The following NUDCD1 variants were observed in gnomAD, a reference collection of about 807,000 sequenced individuals.
NUDCD1 encodes NudC domain containing 1.
In NUDCD1, 60 loss-of-function variants were observed where a neutral mutation model predicts 67.8. The ratio of observed to expected loss-of-function variants is 0.88; its 90% CI spans 0.72 to 1.10. The LOEUF is 1.10. Among genes scored for constraint, NUDCD1 ranks in the 50% least tolerant of loss-of-function variants. NUDCD1 has a pLI of 0.00. For missense variants in NUDCD1, 643 were observed against 695.0 expected (o/e 0.93, Z 0.84); for synonymous variants, 244 against 230.8 (o/e 1.06, Z -0.52).
Position 109,291,052 on chromosome 8 carries a change from C to T in NUDCD1, c.641-1119G>A, listed in dbSNP as rs1161613331. Among the ~76,000 whole-genome samples, 5 of 152,174 alleles carry T rather than the reference C, an allele frequency of 3.3e-5. No individual in the cohort carries two copies. The East Asian group carries it at 5.8e-4, about 18-fold the overall frequency. On this transcript the variant is annotated intron_variant, in intron 4 of 9. Coordinates refer to ENST00000239690, the MANE Select transcript of NUDCD1 (RefSeq NM_032869.4). ...AAACACCGACATCACATATTTATAG[C>T]GTGGCCTTTCCCAGCATGCATGGGA... is the stretch of plus-strand genomic sequence containing the variant.
At chr8:109,302,994 C>A (rs1815024729) in intron 2 of NUDCD1, among the ~76,000 whole-genome samples, 1 of 152,216 alleles carries the variant, frequency 6.6e-6, no homozygotes, top group South Asian at 2.1e-4. Context: ...GAAACCCCAG[C>A]CACATTTCCA....
chr8:109,293,851 C>A (rs1453577467), intron 3 of NUDCD1, among the ~76,000 whole-genome samples: 1 of 151,742 alleles, frequency 6.6e-6, no homozygotes, highest in East Asian at 1.9e-4. Flanking sequence ...GTTATTTATT[C>A]TCTGGAAGTT....
Position 109,242,199 on chromosome 8 carries a change from T to A in NUDCD1, c.*810A>T, listed in dbSNP as rs1156401300. ...TTGTCCAATGGAACATTAGTAAATA[T>A]GATAGATGTACAGGATCGATAAGCT... On this transcript the variant is annotated 3_prime_UTR_variant, in exon 10 of 10. Coordinates refer to ENST00000239690, the MANE Select transcript of NUDCD1 (RefSeq NM_032869.4). 2.5e-6 allele frequency: 1 copy of A among 397,614 alleles called. No individual in the cohort carries two copies. The highest frequency in any genetic ancestry group is 2.1e-5 in the African/African-American group (1 of 48,574). The allele number at this position is 397,614 out of a possible 1,614,324, so 24.6% of individuals were successfully genotyped here.
intron 5 of NUDCD1, 30 bp from the exon 6 acceptor site, chr8:109,281,202 A>AT (rs34035584): frequency 0.044 from 64,347 of 1,456,418 alleles, 1,641 homozygotes; most frequent in Non-Finnish European, 0.053. Context: ...GCATCATGTA[A>AT]TAAAAAATTA....
intron 8 of NUDCD1, among the ~76,000 whole-genome samples, chr8:109,264,422 T>C (rs1813944305): frequency 6.6e-6 from 1 of 152,194 alleles, no homozygotes. Context: ...AGTGGTATAT[T>C]AACAAATGCT....
In NUDCD1 at chr8:109,296,527, T is replaced by C. The variant is rs370088528; in HGVS notation, c.316A>G (p.Thr106Ala). 11 of 1,610,954 alleles carry C rather than the reference T, an allele frequency of 6.8e-6. No individual in the cohort carries two copies. The highest frequency in any genetic ancestry group is 2.2e-5 in the East Asian group (1 of 44,778). The change falls in exon 3 of 10, where the codon ACA (threonine) becomes GCA (alanine). Residue 106 changes from threonine (T) to alanine (A), a missense_variant. By Grantham distance (58) the Thr-to-Ala change is moderately conservative (BLOSUM62 0). Coordinates refer to ENST00000239690, the MANE Select transcript of NUDCD1 (RefSeq NM_032869.4). The stretch of plus-strand genomic sequence containing the variant: ...CGGTTGTCACATGCTGTCAAATCTG[T>C]AGGAAGTCGAAACACCTCTCGTGGT... ...GKPREVFRLP[T>A]DLTACDNRLC... is the part of the protein sequence containing the mutation.
Position 109,243,131 on chromosome 8 carries a change from T to C in NUDCD1, c.1630A>G (p.Lys544Glu). ...GTTTCTAGGCTTGCTACTTGCTGCTTAGCAACCTGTCCTACTTGCCTGCCT... is the reference window on the plus strand; with the variant it reads ...GTTTCTAGGCTTGCTACTTGCTGCTCAGCAACCTGTCCTACTTGCCTGCCT... The part of the protein sequence containing the change: ...KEGRQVGQVA[K>E]QQVASLETND... The change falls in exon 10 of 10, where the codon AAG becomes GAG. Residue 544 changes from lysine to glutamate, a missense_variant. Transcript: ENST00000239690. The C allele has an allele frequency of 6.2e-7, 1 of 1,613,918 alleles. No homozygotes were observed.
At chr8:109,265,352 T>C (rs116401123) in intron 8 of NUDCD1, among the ~76,000 whole-genome samples, 3,675 of 151,908 alleles carry the variant, frequency 0.024, 137 homozygotes, top group African/African-American at 0.084. Flanking sequence ...TGTAAAGGGG[T>C]CCTGAGACCA....
At chr8:109,328,978 A>G (rs1308628813) in intron 1 of NUDCD1, among the ~76,000 whole-genome samples, 1 of 152,214 alleles carries the variant, frequency 6.6e-6, no homozygotes, top group Non-Finnish European at 1.5e-5. Context: ...AGATGTAAAA[A>G]CAATTATTGC....
chr8:109,278,182 A>G lies in NUDCD1; in HGVS notation c.1029-2686T>C, dbSNP rs1265411143. ...CATTTCTCATTTCTGACCAAATTTG[A>G]CTATTTAAAAAATTAACTGCCTAAC... On this transcript the variant is annotated intron_variant, in intron 6 of 9. Transcript: ENST00000239690. 2.0e-5 allele frequency among the ~76,000 whole-genome samples: 3 copies of G among 152,192 alleles called. No homozygotes were observed. In the East Asian group the frequency reaches 5.8e-4, roughly 29 times the overall value.
rs149921218 is a variant in NUDCD1 at position 109,272,057 on chromosome 8, G to A, written c.1174-927C>T. Among the ~76,000 whole-genome samples the A allele has an allele frequency of 1.8e-3, 272 of 152,030 alleles. 1 individual carries two copies. Among genetic ancestry groups the A allele is most frequent in the African/African-American group, 6.3e-3 (261 of 41,502 alleles). On this transcript the variant is annotated intron_variant, in intron 7 of 9. Transcript: ENST00000239690. Reference sequence around the variant, plus strand: ...AAAAAATGCTAAAAGAAGCTCTCAAGCCAGAAAAAAATAACATCAGATGAA... The same window carrying A: ...AAAAAATGCTAAAAGAAGCTCTCAAACCAGAAAAAAATAACATCAGATGAA...
chr8:109,309,623 A>G (rs1278200422), intron 2 of NUDCD1, among the ~76,000 whole-genome samples: 1 of 152,176 alleles, frequency 6.6e-6, no homozygotes. Flanking sequence ...AATCAAAGAG[A>G]AAGAAATAAA....
intron 1 of NUDCD1, among the ~76,000 whole-genome samples, chr8:109,323,873 T>C (rs1027248373): frequency 1.3e-5 from 2 of 151,994 alleles, no homozygotes; most frequent in Non-Finnish European, 2.9e-5. Context: ...AAATTGGATA[T>C]CCATAGCAGA....
intron 2 of NUDCD1, among the ~76,000 whole-genome samples, chr8:109,317,547 T>G (rs943987889): frequency 1.3e-5 from 2 of 152,100 alleles, no homozygotes; most frequent in African/African-American, 4.8e-5. Context: ...TGAGAAAGGA[T>G]CCACAGGATC....
intron 2 of NUDCD1, among the ~76,000 whole-genome samples, chr8:109,319,714 G>A (rs971644861): frequency 3.3e-5 from 5 of 152,168 alleles, no homozygotes; most frequent in Non-Finnish European, 7.3e-5. Context: ...ACAAAGTGCT[G>A]TAAGACAAGG....
At chr8:109,277,525 T>C (rs992717816) in intron 6 of NUDCD1, among the ~76,000 whole-genome samples, 8 of 152,180 alleles carry the variant, frequency 5.3e-5, no homozygotes, top group African/African-American at 1.9e-4. Context: ...AAAAAATCTT[T>C]CCAAAGTGAG....
At chr8:109,258,522 T>C (rs1421166662) in intron 8 of NUDCD1, among the ~76,000 whole-genome samples, 1 of 152,126 alleles carries the variant, frequency 6.6e-6, no homozygotes, top group Non-Finnish European at 1.5e-5. Context: ...AAAGAAAAGC[T>C]ATATTTGATA....
Position 109,334,073 on chromosome 8 carries a change from C to T in NUDCD1, c.-63G>A, listed in dbSNP as rs909874197. 8 of 1,605,538 alleles carry T rather than the reference C, an allele frequency of 5.0e-6. No homozygotes were observed. Among genetic ancestry groups the T allele is most frequent in the African/African-American group, 1.3e-5 (1 of 74,744 alleles). On this transcript the variant is annotated 5_prime_UTR_variant, in exon 1 of 10. Coordinates refer to ENST00000239690, the MANE Select transcript of NUDCD1 (RefSeq NM_032869.4). ...CTTGTTGAAAGGTCCGCGCTTCACG[C>T]CTCGCACAGAGACTGGGAAGCGGCG... is the stretch of plus-strand genomic sequence containing the variant.
intron 2 of NUDCD1, among the ~76,000 whole-genome samples, chr8:109,307,300 T>G (rs558342004): frequency 6.6e-6 from 1 of 152,360 alleles, no homozygotes; most frequent in African/African-American, 2.4e-5. Flanking sequence ...AAGAATGTAC[T>G]TTGTATGCCT....
Sources: allele counts gnomAD v4.1 joint callset (sites outside exome capture counted in the v4.1 genomes callset), GRCh38; gene constraint gnomAD v4.1.1; transcripts MANE v1.5; gene names NCBI Gene and HGNC (gene_info 2026-07-23, HGNC 2026-07-21).